PREX1: variants seen among roughly 807,000 people sequenced by gnomAD.
The protein encoded by PREX1 is phosphatidylinositol 3,4,5-trisphosphate-dependent Rac exchanger 1 protein.
A neutral mutation model predicts 198.3 loss-of-function variants in PREX1; 41 were observed. The observed-to-expected ratio is 0.21, with a 90% CI of 0.16 to 0.27. The LOEUF (loss-of-function observed/expected upper bound fraction) is 0.27, where lower values mean the gene tolerates loss of function less well. Ranked by LOEUF, PREX1 falls within the 10% of genes least tolerant of loss-of-function variation. The probability of loss-of-function intolerance (pLI) is 1.00; values close to 1 mark genes in which losing one functional copy is unlikely to be tolerated. For synonymous variants in PREX1, 843 were observed against 887.2 expected (o/e 0.95, Z 0.89); for missense variants, 1,620 against 2,200.7 (o/e 0.74, Z 5.28).
intron 1 of PREX1, among the ~76,000 whole-genome samples, chr20:48,804,750 A>T (rs2090404039): frequency 6.6e-6 from 1 of 152,118 alleles, no homozygotes; most frequent in Admixed American, 6.5e-5. Flanking sequence ...GGGAGGTGAG[A>T]AGTGGCCGGA....
the PREX1 span, among the ~76,000 whole-genome samples, chr20:48,870,530 C>T: frequency 1.3e-5 from 2 of 152,290 alleles, no homozygotes; most frequent in Non-Finnish European, 2.9e-5. Flanking sequence ...AGCCTTTGTC[C>T]GTTCAAAAAG....
chr20:48,861,038 G>A, the PREX1 span, among the ~76,000 whole-genome samples: 1 of 152,080 alleles, frequency 6.6e-6, no homozygotes, highest in African/African-American at 2.4e-5. Flanking sequence ...CTGGGGCCCA[G>A]AAAGAGATCT....
chr20:48,754,764 C>T (rs2122813085), intron 1 of PREX1, among the ~76,000 whole-genome samples: 1 of 152,010 alleles, frequency 6.6e-6, no homozygotes, highest in East Asian at 1.9e-4. Context: ...CCTGAGGACC[C>T]CATCCCCAAC....
At chr20:48,868,626 CA>C in the PREX1 span, among the ~76,000 whole-genome samples, 1 of 152,040 alleles carries the variant, frequency 6.6e-6, no homozygotes. Context: ...CTTTTCTTTT[CA>C]AAACTCAAAA....
intron 25 of PREX1, 61 bp downstream of exon 25, chr20:48,649,239 T>C: frequency 2.6e-6 from 4 of 1,566,590 alleles, no homozygotes; most frequent in Non-Finnish European, 3.5e-6. Context: ...ACAATGTCAG[T>C]AAGGCCAGGA....
In PREX1 at chr20:48,636,556, C is replaced by A. The variant is rs529730656; in HGVS notation, c.4074G>T (p.Glu1358Asp). The A allele has an allele frequency of 1.2e-5, 20 of 1,611,574 alleles. No individual in the cohort carries two copies. Among genetic ancestry groups the A allele is most frequent in the Non-Finnish European group, 1.7e-5 (20 of 1,179,660 alleles). ...ACTTGCGGCTGGCGTCGCGGCTGCTCTCCTCGTACTCGCCATTGTTGTTGT... is the reference window on the plus strand; with the variant it reads ...ACTTGCGGCTGGCGTCGCGGCTGCTATCCTCGTACTCGCCATTGTTGTTGT... ...YRYNNNGEYE[E>D]SSRDASRKWL... The change falls in exon 32 of 40, where the codon GAG becomes GAT. Residue 1358 changes from glutamate (E) to aspartate (D), a missense_variant. Physicochemically the swap from Glu to Asp is conservative, Grantham distance 45. Around this residue, in one of 7 missense-constraint regions of PREX1, gnomAD observed 476 missense variants for 603.4 expected, o/e 0.79. Coordinates refer to ENST00000371941, the MANE Select transcript of PREX1 (RefSeq NM_020820.4).
intron 1 of PREX1, among the ~76,000 whole-genome samples, chr20:48,774,884 G>A (rs537685184): frequency 6.6e-6 from 1 of 152,390 alleles, no homozygotes; most frequent in Non-Finnish European, 1.5e-5. Flanking sequence ...GCCTCAGCCT[G>A]CCATGGGGCA....
At chr20:48,693,641 C>T (rs1228715249) in intron 7 of PREX1, among the ~76,000 whole-genome samples, 2 of 152,244 alleles carry the variant, frequency 1.3e-5, no homozygotes, top group Non-Finnish European at 2.9e-5. Flanking sequence ...GAGTCTCACT[C>T]TGTCGCCCAG....
intron 4 of PREX1, among the ~76,000 whole-genome samples, chr20:48,733,520 G>A (rs1031243428): frequency 6.6e-6 from 1 of 152,230 alleles, no homozygotes; most frequent in Non-Finnish European, 1.5e-5. Context: ...GTCTGGAGCT[G>A]CTGGAGGCCA....
intron 4 of PREX1, among the ~76,000 whole-genome samples, 164 bp from the exon 5 acceptor site, chr20:48,726,555 C>T (rs940110184): frequency 6.6e-6 from 1 of 152,184 alleles, no homozygotes; most frequent in African/African-American, 2.4e-5. Flanking sequence ...CCAACACAAA[C>T]CCTACTGGGC....
At chr20:48,834,633 C>T in the PREX1 span, among the ~76,000 whole-genome samples, 4 of 152,114 alleles carry the variant, frequency 2.6e-5, no homozygotes, top group Non-Finnish European at 5.9e-5. Context: ...AATCACAGCT[C>T]ACTGCAGCCT....
At chr20:48,795,851 C>T (rs1318761520) in intron 1 of PREX1, among the ~76,000 whole-genome samples, 1 of 152,196 alleles carries the variant, frequency 6.6e-6, no homozygotes, top group African/African-American at 2.4e-5. Flanking sequence ...AGCCCCAAGC[C>T]TACAGATTTA....
chr20:48,634,857 T>C, intron 32 of PREX1, 82 bp from the exon 33 acceptor site: 1 of 1,212,322 alleles, frequency 8.2e-7, no homozygotes, highest in South Asian at 1.3e-5. Flanking sequence ...AATTCAACTC[T>C]AGTCGGCACT....
intron 6 of PREX1, among the ~76,000 whole-genome samples, chr20:48,701,362 G>A (rs773016818): frequency 6.6e-6 from 1 of 152,054 alleles, no homozygotes; most frequent in African/African-American, 2.4e-5. Flanking sequence ...ACAGGCATGC[G>A]CCACCATGCC....
At chr20:48,632,101 C>A (rs2122817790) in intron 35 of PREX1, among the ~76,000 whole-genome samples, 176 bp downstream of exon 35, 1 of 152,350 alleles carries the variant, frequency 6.6e-6, no homozygotes, top group South Asian at 2.1e-4. Flanking sequence ...GGATCCATGG[C>A]CTGCTGCCAT....
At chr20:48,833,480 T>C in the PREX1 span, among the ~76,000 whole-genome samples, 4 of 150,788 alleles carry the variant, frequency 2.7e-5, no homozygotes, top group African/African-American at 9.8e-5. Flanking sequence ...CTCATTCTGT[T>C]GCCCAGAGTG....
chr20:48,659,294 GAAAAC>G (rs967137335), intron 16 of PREX1, among the ~76,000 whole-genome samples: 4 of 143,486 alleles, frequency 2.8e-5, no homozygotes, highest in African/African-American at 1.0e-4. Flanking sequence ...AAGAAGAAAA[GAAAAC>G]AAGAAAAGAG....
chr20:48,704,674 G>A (rs113026696), intron 6 of PREX1, among the ~76,000 whole-genome samples: 1,883 of 152,152 alleles, frequency 0.012, 34 homozygotes, highest in African/African-American at 0.042. Flanking sequence ...TCCTGCCGCA[G>A]TCTCCCGAGT....
At chr20:48,677,938 A>T (rs2089720758) in intron 13 of PREX1, among the ~76,000 whole-genome samples, 1 of 152,164 alleles carries the variant, frequency 6.6e-6, no homozygotes, top group South Asian at 2.1e-4. Flanking sequence ...GTGAGCCGAG[A>T]TCATGCCAAT....
Sources: gnomAD v4.1 joint callset for allele counts (sites outside exome capture counted in the v4.1 genomes callset) on GRCh38, gnomAD v4.1.1 for gene constraint, gnomAD v4.1.1 regional missense constraint, MANE v1.5 for transcripts, NCBI Gene and HGNC (gene_info 2026-07-23, HGNC 2026-07-21) for gene names.